The following KIDINS220 variants were observed in gnomAD, a reference collection of about 807,000 sequenced individuals.
KIDINS220 encodes kinase D interacting substrate 220, also known as kinase D-interacting substrate of 220 kDa.
KIDINS220 carries 63 observed loss-of-function variants against 157.6 expected under a neutral mutation model. The observed-to-expected ratio is 0.40, with a 90% CI of 0.33 to 0.49. KIDINS220 has a LOEUF of 0.49. KIDINS220 is among the 20% of genes least tolerant of loss of function. The pLI is 0.66. For missense variants in KIDINS220, 1,772 were observed against 2,171.2 expected (o/e 0.82, Z 3.65); for synonymous variants, 732 against 783.6 (o/e 0.93, Z 1.10).
chr2:8,804,888 G>A (rs959880882), intron 7 of KIDINS220, among the ~76,000 whole-genome samples: 4 of 152,106 alleles, frequency 2.6e-5, no homozygotes, highest in African/African-American at 9.7e-5. Flanking sequence ...TACCTACCTG[G>A]AGGTAGCATC....
intron 12 of KIDINS220, among the ~76,000 whole-genome samples, chr2:8,793,129 C>T (rs1673429609): frequency 6.6e-6 from 1 of 151,980 alleles, no homozygotes; most frequent in African/African-American, 2.4e-5. Flanking sequence ...TTCTGCTATA[C>T]TCATGTTTTC....
Position 8,747,081 on chromosome 2 carries a change from C to T in KIDINS220, c.3585+64G>A. 1.4e-6 allele frequency: 2 copies of T among 1,421,702 alleles called. 1 individual carries two copies. Among genetic ancestry groups the T allele is most frequent in the South Asian group, 2.3e-5 (2 of 87,270 alleles). The allele number at this position is 1,421,702 out of a possible 1,614,324, so 88.1% of individuals were successfully genotyped here. On this transcript the variant is annotated intron_variant, in intron 26 of 29. Transcript: ENST00000256707. ...TGAGCTGCTATCATCACAATTAAGA[C>T]AGTCATTACTGAGGCAGAAGCAATG...
chr2:8,755,975 C>T (rs1376375275), intron 22 of KIDINS220, among the ~76,000 whole-genome samples: 1 of 152,120 alleles, frequency 6.6e-6, no homozygotes, highest in African/African-American at 2.4e-5. Context: ...CTTGCAATTG[C>T]ATATGAACTG....
Position 8,817,832 on chromosome 2 carries a change from C to T in KIDINS220, c.208-116G>A. 3 of 621,696 alleles carry T rather than the reference C, an allele frequency of 4.8e-6. No homozygotes were observed. In the South Asian group the frequency reaches 7.3e-5, roughly 15 times the overall value. The allele number at this position is 621,696 out of a possible 1,614,324, so 38.5% of individuals were successfully genotyped here. A position where few individuals can be genotyped will look rare whatever the true frequency, so the allele number is the denominator to read the frequency against. ...ATCATACCAAGTTGACATGGTGTGA[C>T]CCATGCTAACTAAACTACTCTAAAG... On this transcript the variant is annotated intron_variant, in intron 3 of 29. Coordinates refer to ENST00000256707, the MANE Select transcript of KIDINS220 (RefSeq NM_020738.4).
chr2:8,768,419 A>T (rs1252624469), intron 22 of KIDINS220, among the ~76,000 whole-genome samples: 1 of 152,158 alleles, frequency 6.6e-6, no homozygotes, highest in East Asian at 1.9e-4. Context: ...ATTGCTTTCC[A>T]GTGTTAGTAT....
chr2:8,804,335 A>G (rs1228406922), intron 7 of KIDINS220, among the ~76,000 whole-genome samples: 1 of 152,224 alleles, frequency 6.6e-6, no homozygotes, highest in Admixed American at 6.5e-5. Context: ...CATGTAACAT[A>G]CTAATTCTAT....
intron 4 of KIDINS220, 85 bp from the exon 5 acceptor site, chr2:8,813,420 A>G: frequency 1.1e-6 from 1 of 902,972 alleles, no homozygotes; most frequent in Non-Finnish European, 1.7e-6. Flanking sequence ...TTTCTTTAGT[A>G]AATATCTTTA....
At chr2:8,747,290 T>C (rs547949187) in intron 25 of KIDINS220, 89 bp from the exon 26 acceptor site, 189 of 1,096,020 alleles carry the variant, frequency 1.7e-4, no homozygotes, top group Admixed American at 8.8e-4. Flanking sequence ...TAAAATAATA[T>C]ACAACACTGA....
intron 3 of KIDINS220, 93 bp downstream of exon 3, chr2:8,818,602 G>C (rs1677447520): frequency 2.9e-6 from 2 of 696,944 alleles, no homozygotes; most frequent in South Asian, 2.0e-5. Flanking sequence ...ATATGTAAAA[G>C]TTTTAATTAC....
intron 2 of KIDINS220, among the ~76,000 whole-genome samples, chr2:8,824,759 G>T (rs1678495185): frequency 6.6e-6 from 1 of 152,146 alleles, no homozygotes; most frequent in African/African-American, 2.4e-5. Context: ...ATAGCCAAGG[G>T]ATGGAAGCAA....
In KIDINS220 at chr2:8,750,288, G is replaced by C; in HGVS notation, c.3238C>G (p.Pro1080Ala). 6.2e-7 allele frequency: 1 copy of C among 1,613,018 alleles called. No homozygotes were observed. The highest frequency in any genetic ancestry group is 1.1e-5 in the South Asian group (1 of 90,966). Residue 1080 changes from proline (P) to alanine (A), a missense_variant, in exon 24 of 30, where the codon CCC becomes GCC. Around this residue, in one of 3 missense-constraint regions of KIDINS220, gnomAD observed 793 missense variants for 885.5 expected, o/e 0.90. Transcript: ENST00000256707. ...GGACCCTCATGTAGAGGGAGCGGGG[G>C]GTACGCCAGTCCTCCAATACTGATC... is the stretch of plus-strand genomic sequence containing the variant. ...EQISIGGLAY[P>A]PLPLHEGPPR...
intron 12 of KIDINS220, among the ~76,000 whole-genome samples, chr2:8,793,573 A>G (rs562954664): frequency 1.2e-4 from 18 of 152,182 alleles, no homozygotes; most frequent in African/African-American, 4.1e-4. Context: ...CCAAGAAGCT[A>G]GGACTACAAG....
chr2:8,823,676 G>T (rs962735164), intron 2 of KIDINS220, among the ~76,000 whole-genome samples: 1 of 152,054 alleles, frequency 6.6e-6, no homozygotes. Context: ...TTCCTTCCAA[G>T]TGAAGCTGTT....
intron 4 of KIDINS220, among the ~76,000 whole-genome samples, chr2:8,816,198 A>G (rs1338673697): frequency 6.6e-6 from 1 of 152,244 alleles, no homozygotes; most frequent in Non-Finnish European, 1.5e-5. Flanking sequence ...TTAAGAAATC[A>G]GTTTTTACAA....
At chr2:8,792,670 C>G (rs1673369007) in intron 12 of KIDINS220, among the ~76,000 whole-genome samples, 1 of 152,170 alleles carries the variant, frequency 6.6e-6, no homozygotes, top group African/African-American at 2.4e-5. Flanking sequence ...TGGTATCTTA[C>G]ACTGCCAGAG....
chr2:8,749,863 A>AT (rs974083159), intron 24 of KIDINS220, among the ~76,000 whole-genome samples: 1 of 152,188 alleles, frequency 6.6e-6, no homozygotes, highest in Admixed American at 6.5e-5. Context: ...TGTGGAGTCC[A>AT]TTTACTTATC....
chr2:8,742,948 CA>C lies in KIDINS220; in HGVS notation c.3585+4196del, dbSNP rs149421467. On this transcript the variant is annotated intron_variant, in intron 26 of 29. Transcript: ENST00000256707. ...AATGAAACACAGTTACCACCAGGAGCAGCATACCTTAAATTAAGCCAAACTA... is the reference window on the plus strand; with the variant it reads ...AATGAAACACAGTTACCACCAGGAGCGCATACCTTAAATTAAGCCAAACTA... Among the ~76,000 whole-genome samples, 369 of 152,300 alleles carry C rather than the reference CA, an allele frequency of 2.4e-3. 2 individuals are homozygous for C. The highest frequency in any genetic ancestry group is 8.1e-3 in the African/African-American group (338 of 41,562).
chr2:8,810,765 G>GT (rs1676178581), intron 6 of KIDINS220, among the ~76,000 whole-genome samples: 1 of 151,750 alleles, frequency 6.6e-6, no homozygotes, highest in South Asian at 2.1e-4. Context: ...CAGCCTAGGT[G>GT]ACAGAGCGAG....
chr2:8,773,257 C>T (rs949582872), intron 21 of KIDINS220, among the ~76,000 whole-genome samples: 1 of 152,142 alleles, frequency 6.6e-6, no homozygotes, highest in African/African-American at 2.4e-5. Flanking sequence ...TAGAGAAATT[C>T]GTACATTTGA....
Sources: gnomAD v4.1 joint callset for allele counts (sites outside exome capture counted in the v4.1 genomes callset) on GRCh38, gnomAD v4.1.1 for gene constraint, gnomAD v4.1.1 regional missense constraint, MANE v1.5 for transcripts, NCBI Gene and HGNC (gene_info 2026-07-23, HGNC 2026-07-21) for gene names.